GDAP1: variants seen among roughly 807,000 people sequenced by gnomAD.
GDAP1 encodes the protein ganglioside-induced differentiation-associated protein 1.
A neutral mutation model predicts 40.1 loss-of-function variants in GDAP1; 34 were observed. The ratio of observed to expected loss-of-function variants is 0.85; its 90% CI spans 0.64 to 1.13. GDAP1 has a LOEUF of 1.13. Ranked by LOEUF, GDAP1 falls within the 50% of genes most tolerant of loss-of-function variation. The pLI is 0.00. For synonymous variants in GDAP1, 170 were observed against 157.4 expected, an observed-to-expected ratio of 1.08 and a Z score of -0.60; for missense variants, 374 against 433.7, an observed-to-expected ratio of 0.86 and a Z score of 1.22.
chr8:74,377,922 T>A (rs957612226), intron 2 of GDAP1, among the ~76,000 whole-genome samples: 3 of 152,036 alleles, frequency 2.0e-5, no homozygotes, highest in African/African-American at 7.3e-5. Context: ...ATTCATACAG[T>A]GGAATACAAT....
At chr8:74,460,574 T>C (rs929025396) in intron 2 of GDAP1, among the ~76,000 whole-genome samples, 1 of 152,114 alleles carries the variant, frequency 6.6e-6, no homozygotes, top group Non-Finnish European at 1.5e-5. Flanking sequence ...CTTAGCTTAA[T>C]GGAAAATCTA....
At chr8:74,412,257 G>A (rs1805724604) in intron 2 of GDAP1, among the ~76,000 whole-genome samples, 1 of 150,016 alleles carries the variant, frequency 6.7e-6, no homozygotes, top group South Asian at 2.1e-4. Context: ...AGAATTTTGT[G>A]TATGTAACAC....
At chr8:74,391,976 G>C (rs1181416813) in intron 2 of GDAP1, among the ~76,000 whole-genome samples, 2 of 151,938 alleles carry the variant, frequency 1.3e-5, no homozygotes, top group East Asian at 3.9e-4. Flanking sequence ...GCACCACCAT[G>C]CCCAGCAAAT....
At chr8:74,464,771 C>T (rs1460354342) in intron 2 of GDAP1, among the ~76,000 whole-genome samples, 1 of 152,018 alleles carries the variant, frequency 6.6e-6, no homozygotes, top group African/African-American at 2.4e-5. Flanking sequence ...GACAGTCATG[C>T]CATATTTAGG....
intron 1 of GDAP1, among the ~76,000 whole-genome samples, 197 bp from the exon 2 acceptor site, chr8:74,351,077 T>G (rs1192207570): frequency 6.6e-6 from 1 of 152,196 alleles, no homozygotes; most frequent in Non-Finnish European, 1.5e-5. Context: ...ATTTCATTAC[T>G]TATTTTGTGT....
downstream of GDAP1, among the ~76,000 whole-genome samples, chr8:74,369,943 C>T (rs956237042): frequency 3.3e-5 from 5 of 152,060 alleles, no homozygotes; most frequent in Non-Finnish European, 4.4e-5. Context: ...GTGAGGGAAT[C>T]CTGCCAATTC....
intron 2 of GDAP1, among the ~76,000 whole-genome samples, chr8:74,483,548 G>T (rs184472286): frequency 1.3e-5 from 2 of 152,052 alleles, no homozygotes; most frequent in African/African-American, 4.8e-5. Flanking sequence ...GCATTGGCAC[G>T]CATTTCAAAG....
chr8:74,355,211 T>G (rs935751112), intron 2 of GDAP1, among the ~76,000 whole-genome samples: 1 of 152,098 alleles, frequency 6.6e-6, no homozygotes. Flanking sequence ...AAGAATGGTA[T>G]AGACATGAAT....
At chr8:74,424,036 T>G (rs2131561139) in intron 2 of GDAP1, among the ~76,000 whole-genome samples, 1 of 152,256 alleles carries the variant, frequency 6.6e-6, no homozygotes, top group South Asian at 2.1e-4. Context: ...CCTAAGTATT[T>G]GTGGGGGATT....
intron 2 of GDAP1, among the ~76,000 whole-genome samples, chr8:74,446,075 C>T (rs1162006659): frequency 6.6e-6 from 1 of 152,174 alleles, no homozygotes; most frequent in Admixed American, 6.5e-5. Flanking sequence ...ACCCTTGTCT[C>T]AGCTAATTAA....
intron 2 of GDAP1, among the ~76,000 whole-genome samples, chr8:74,377,943 A>G (rs1809884808): frequency 6.6e-6 from 1 of 151,748 alleles, no homozygotes; most frequent in African/African-American, 2.4e-5. Context: ...TCATAGATAA[A>G]AAGAGAACAA....
In GDAP1 at chr8:74,419,572, A is replaced by C. The variant is rs116766993; in HGVS notation, c.165+68251A>C. 5.5e-3 allele frequency among the ~76,000 whole-genome samples: 840 copies of C among 152,266 alleles called. 9 individuals are homozygous for C. The highest frequency in any genetic ancestry group is 0.019 in the African/African-American group (780 of 41,564). ...AGAGTTTATGTATTCTGGACACTAG[A>C]CCCAAGAGAGCTATTATTTGAAAAT... is the stretch of plus-strand genomic sequence containing the variant. On this transcript the variant is annotated intron_variant, in intron 2 of 2. Transcript: ENST00000523640.
At chr8:74,401,228 A>T (rs1362620740) in intron 2 of GDAP1, among the ~76,000 whole-genome samples, 20 of 148,664 alleles carry the variant, frequency 1.3e-4, no homozygotes, top group Admixed American at 9.9e-4. Flanking sequence ...ATAGTCCCAT[A>T]TTTCTTGGAG....
At chr8:74,432,637 G>A (rs982183157) in intron 2 of GDAP1, among the ~76,000 whole-genome samples, 3 of 152,088 alleles carry the variant, frequency 2.0e-5, no homozygotes, top group Admixed American at 6.6e-5. Context: ...TCCATGAATG[G>A]CTGCATCTCA....
chr8:74,351,124 C>T lies in GDAP1; in HGVS notation c.118-150C>T, dbSNP rs953161340. On this transcript the variant is annotated intron_variant, in intron 1 of 5. Transcript: ENST00000220822. ...TTTGTTGAGTATTGTTCTTTCCTTA[C>T]TTGTTAATTCCAGGAATAGGAATTG... The T allele has an allele frequency of 2.5e-5, 18 of 730,650 alleles. No homozygotes were observed. In the Admixed American group the frequency reaches 3.5e-4, roughly 14 times the overall value. 45.3% of individuals were successfully genotyped at this position (730,650 alleles called of 1,614,324 possible). A position where few individuals can be genotyped will look rare whatever the true frequency, so the allele number is the denominator to read the frequency against.
At position 74,365,877 on chromosome 8, in the gene GDAP1, G is replaced by A. The variant is rs1452548674; in HGVS notation, c.*1510G>A. ...TAACATTTAAAATTTGCACATGAGT[G>A]TGTTGTCATATGGAGTGTCTGAATC... On this transcript the variant is annotated 3_prime_UTR_variant, in exon 6 of 6. Coordinates refer to ENST00000220822, the MANE Select transcript of GDAP1 (RefSeq NM_018972.4). 4.4e-6 allele frequency: 2 copies of A among 454,246 alleles called. No individual in the cohort carries two copies. The highest frequency in any genetic ancestry group is 6.8e-4 in the Middle Eastern group (1 of 1,466). 28.1% of individuals were successfully genotyped at this position (454,246 alleles called of 1,614,324 possible).
At chr8:74,461,966 A>T (rs1256326468) in intron 2 of GDAP1, among the ~76,000 whole-genome samples, 1 of 152,252 alleles carries the variant, frequency 6.6e-6, no homozygotes, top group African/African-American at 2.4e-5. Context: ...ATTCCAGCAA[A>T]TGAACAATAA....
At chr8:74,470,070 C>T (rs1806528417) in intron 2 of GDAP1, among the ~76,000 whole-genome samples, 1 of 151,924 alleles carries the variant, frequency 6.6e-6, no homozygotes, top group Non-Finnish European at 1.5e-5. Context: ...TAGCTTTTAT[C>T]TTCATTTCTT....
chr8:74,382,322 A>G (rs1267068512), intron 2 of GDAP1, among the ~76,000 whole-genome samples: 7 of 147,934 alleles, frequency 4.7e-5, no homozygotes, highest in Admixed American at 4.7e-4. Context: ...ATTTTTCTAA[A>G]GAGTCCTAAT....
Sources: allele counts gnomAD v4.1 joint callset (sites outside exome capture counted in the v4.1 genomes callset), GRCh38; gene constraint gnomAD v4.1.1; transcripts MANE v1.5; gene names NCBI Gene and HGNC (gene_info 2026-07-23, HGNC 2026-07-21).